ZRANB3: variants seen among roughly 807,000 people sequenced by gnomAD.
The protein encoded by ZRANB3 is DNA annealing helicase and endonuclease ZRANB3.
ZRANB3 carries 125 observed loss-of-function variants against 133.8 expected under a neutral mutation model. The ratio of observed to expected loss-of-function variants is 0.93; its 90% CI spans 0.81 to 1.08. The LOEUF is 1.08. Ranked by LOEUF, ZRANB3 falls within the 50% of genes least tolerant of loss-of-function variation. The pLI is 0.00. For missense variants in ZRANB3, 1,229 were observed against 1,275.5 expected, an observed-to-expected ratio of 0.96 and a Z score of 0.56; for synonymous variants, 387 against 432.7, an observed-to-expected ratio of 0.89 and a Z score of 1.31.
intron 2 of ZRANB3, among the ~76,000 whole-genome samples, chr2:135,451,775 C>G (rs1432698001): frequency 6.6e-6 from 1 of 152,068 alleles, no homozygotes; most frequent in Non-Finnish European, 1.5e-5. Context: ...TTACAGCATT[C>G]CATATGTAGA....
intron 6 of ZRANB3, among the ~76,000 whole-genome samples, chr2:135,342,762 T>C (rs1310998020): frequency 6.7e-6 from 1 of 149,464 alleles, no homozygotes; most frequent in African/African-American, 2.6e-5. Context: ...TAGTGTTTCA[T>C]GTGGTAGTGC....
At chr2:135,302,557 G>A (rs1431168289) in intron 8 of ZRANB3, among the ~76,000 whole-genome samples, 2 of 146,936 alleles carry the variant, frequency 1.4e-5, no homozygotes, top group African/African-American at 2.5e-5. Flanking sequence ...TGGGAGTCTC[G>A]CTCTGTCACC....
intron 2 of ZRANB3, among the ~76,000 whole-genome samples, chr2:135,502,126 A>T (rs1302180730): frequency 6.6e-6 from 1 of 152,204 alleles, no homozygotes. Flanking sequence ...TGAAATTATT[A>T]TTTCATGGGC....
chr2:135,218,329 GA>G (rs921350700), intron 16 of ZRANB3, among the ~76,000 whole-genome samples: 1 of 151,726 alleles, frequency 6.6e-6, no homozygotes, highest in African/African-American at 2.4e-5. Flanking sequence ...GTTTTCACAG[GA>G]AAAAAAACAT....
chr2:135,478,729 G>C (rs1199688272), intron 2 of ZRANB3, among the ~76,000 whole-genome samples: 1 of 151,962 alleles, frequency 6.6e-6, no homozygotes, highest in African/African-American at 2.4e-5. Flanking sequence ...TCCCATTACA[G>C]AGTGGATAGA....
intron 2 of ZRANB3, among the ~76,000 whole-genome samples, chr2:135,465,064 A>G (rs60012147): frequency 0.1 from 15,848 of 152,260 alleles, 1,093 homozygotes; most frequent in South Asian, 0.32. Flanking sequence ...AAATCGAAGA[A>G]GTTGAGAAAT....
chr2:135,515,700 C>A (rs1034048042), intron 1 of ZRANB3, among the ~76,000 whole-genome samples: 1 of 152,144 alleles, frequency 6.6e-6, no homozygotes, highest in African/African-American at 2.4e-5. Flanking sequence ...TGCATTACAT[C>A]CAATTCTGTG....
At chr2:135,393,733 C>T (rs72984462) in intron 2 of ZRANB3, among the ~76,000 whole-genome samples, 6,754 of 152,020 alleles carry the variant, frequency 0.044, 503 homozygotes, top group African/African-American at 0.16. Flanking sequence ...TTCTAAGTGT[C>T]CAGAAAGAAA....
At chr2:135,496,491 T>A (rs1692677515) in intron 2 of ZRANB3, among the ~76,000 whole-genome samples, 1 of 127,844 alleles carries the variant, frequency 7.8e-6, no homozygotes, top group Admixed American at 7.9e-5. Flanking sequence ...AACCATCACA[T>A]AAAACAATAA....
chr2:135,463,417 ATGT>A (rs1368446003), intron 2 of ZRANB3, among the ~76,000 whole-genome samples: 1 of 151,642 alleles, frequency 6.6e-6, no homozygotes, highest in Non-Finnish European at 1.5e-5. Context: ...AGATAGGAAT[ATGT>A]TGTTTTTTTT....
intron 2 of ZRANB3, among the ~76,000 whole-genome samples, chr2:135,502,844 G>T (rs1693007869): frequency 6.6e-6 from 1 of 152,186 alleles, no homozygotes; most frequent in Admixed American, 6.5e-5. Flanking sequence ...GAAGATGCAG[G>T]TGTAAGGTGA....
intron 12 of ZRANB3, among the ~76,000 whole-genome samples, chr2:135,237,078 T>C (rs1378839242): frequency 1.3e-5 from 2 of 151,832 alleles, no homozygotes; most frequent in African/African-American, 2.4e-5. Flanking sequence ...TACAATTAAC[T>C]CAAACAAATT....
chr2:135,235,573 A>C (rs1260501041), intron 12 of ZRANB3, among the ~76,000 whole-genome samples: 2 of 151,956 alleles, frequency 1.3e-5, no homozygotes, highest in Non-Finnish European at 2.9e-5. Context: ...GCAGCACATC[A>C]AAAAGCTTAT....
At chr2:135,477,523 C>T (rs1691557790) in intron 2 of ZRANB3, among the ~76,000 whole-genome samples, 1 of 152,204 alleles carries the variant, frequency 6.6e-6, no homozygotes, top group South Asian at 2.1e-4. Flanking sequence ...CTTGTTCTCT[C>T]AGGCCTAGGA....
rs778200127 is a variant in ZRANB3, at chr2:135,269,117, GA to G, written c.1230del (p.His411MetfsTer14). On this transcript the variant is annotated frameshift_variant, in exon 11 of 21. Coordinates refer to ENST00000264159, the MANE Select transcript of ZRANB3 (RefSeq NM_032143.4). LOFTEE classifies it high-confidence loss of function. ...CAGTACAACTCAGCAAATACAACAT[GA>G]CTTGCTGCAGTAAATGTTAATCCCT... ...AGQGLTFTAA[S>X]HVVFAELYWD... 1.0e-4 allele frequency: 160 copies of G among 1,602,806 alleles called. 3 individuals are homozygous for G. The South Asian group carries it at 1.7e-3, about 17-fold the overall frequency.
intron 3 of ZRANB3, among the ~76,000 whole-genome samples, chr2:135,378,642 AAGCC>A (rs1248377397): frequency 1.3e-5 from 2 of 152,232 alleles, no homozygotes. Context: ...ACACTACCTT[AAGCC>A]AGGTGATTGG....
intron 6 of ZRANB3, among the ~76,000 whole-genome samples, chr2:135,339,385 C>T (rs1185371763): frequency 6.6e-6 from 1 of 151,602 alleles, no homozygotes; most frequent in African/African-American, 2.4e-5. Flanking sequence ...GCCTGGGTGA[C>T]ACAGCAAGAC....
intron 1 of ZRANB3, chr2:135,511,789 G>T: frequency 1.3e-6 from 1 of 761,850 alleles, no homozygotes; most frequent in Admixed American, 1.7e-5. Context: ...AACTGCATCT[G>T]CTAGCTTTCT....
At chr2:135,303,483 A>G (rs758916433) in intron 8 of ZRANB3, among the ~76,000 whole-genome samples, 12 of 152,080 alleles carry the variant, frequency 7.9e-5, no homozygotes, top group Non-Finnish European at 1.6e-4. Flanking sequence ...TAATTTCCCT[A>G]TTGAGTTACC....
Sources: allele counts gnomAD v4.1 joint callset (sites outside exome capture counted in the v4.1 genomes callset), GRCh38; gene constraint gnomAD v4.1.1; transcripts MANE v1.5; gene names NCBI Gene and HGNC (gene_info 2026-07-23, HGNC 2026-07-21).